The following PCSK2 variants were observed in gnomAD, a reference collection of about 807,000 sequenced individuals.
The protein encoded by PCSK2 is neuroendocrine convertase 2.
PCSK2 carries 14 observed loss-of-function variants against 69.7 expected under a neutral mutation model. The ratio of observed to expected loss-of-function variants is 0.20; its 90% confidence interval spans 0.13 to 0.31. The LOEUF is 0.31. PCSK2 is among the 10% of genes least tolerant of loss of function. The probability of loss-of-function intolerance (pLI) is 1.00; values close to 1 mark genes in which losing one functional copy is unlikely to be tolerated. For missense variants in PCSK2, 544 were observed against 842.5 expected, an observed-to-expected ratio of 0.65 and a Z score of 4.39; for synonymous variants, 307 against 320.7, an observed-to-expected ratio of 0.96 and a Z score of 0.46.
At chr20:17,400,380 T>A (rs1346386184) in intron 5 of PCSK2, among the ~76,000 whole-genome samples, 1 of 152,202 alleles carries the variant, frequency 6.6e-6, no homozygotes, top group Admixed American at 6.5e-5. Context: ...CTGCCCTTCA[T>A]CATCTGTGTG....
At chr20:17,373,649 C>CA (rs903167269) in intron 5 of PCSK2, among the ~76,000 whole-genome samples, 48 of 152,210 alleles carry the variant, frequency 3.2e-4, no homozygotes, top group African/African-American at 1.2e-3. Flanking sequence ...CAAGGCTCCT[C>CA]AAAAAAATTA....
At chr20:17,470,361 GA>G (rs1383108658) in intron 11 of PCSK2, among the ~76,000 whole-genome samples, 1 of 152,120 alleles carries the variant, frequency 6.6e-6, no homozygotes, top group Non-Finnish European at 1.5e-5. Flanking sequence ...TACCATCTTG[GA>G]CAGCCATGTC....
chr20:17,251,569 G>A (rs567092747), intron 1 of PCSK2, among the ~76,000 whole-genome samples: 8 of 152,278 alleles, frequency 5.3e-5, no homozygotes, highest in Admixed American at 2.6e-4. Flanking sequence ...GCTCCAAGAC[G>A]GTGTCATCAG....
chr20:17,390,824 A>G (rs2031352678), intron 5 of PCSK2, among the ~76,000 whole-genome samples: 1 of 151,928 alleles, frequency 6.6e-6, no homozygotes, highest in African/African-American at 2.4e-5. Flanking sequence ...CCTCTATACA[A>G]CCCACTCACT....
chr20:17,258,115 T>C (rs775288989), intron 1 of PCSK2, among the ~76,000 whole-genome samples: 2 of 152,220 alleles, frequency 1.3e-5, no homozygotes, highest in African/African-American at 2.4e-5. Context: ...ATGGAGCTTT[T>C]TAAATAACTC....
At chr20:17,268,926 G>T (rs1987746983) in intron 2 of PCSK2, among the ~76,000 whole-genome samples, 1 of 152,206 alleles carries the variant, frequency 6.6e-6, no homozygotes, top group Non-Finnish European at 1.5e-5. Flanking sequence ...ATTCGTTGAT[G>T]CATTTGCTGA....
chr20:17,309,422 T>C (rs747984835), intron 2 of PCSK2, among the ~76,000 whole-genome samples: 2 of 152,218 alleles, frequency 1.3e-5, no homozygotes, highest in Non-Finnish European at 2.9e-5. Context: ...AATAAAAATA[T>C]ATATGTCAAG....
At chr20:17,322,183 G>A (rs568655583) in intron 2 of PCSK2, among the ~76,000 whole-genome samples, 1 of 152,276 alleles carries the variant, frequency 6.6e-6, no homozygotes, top group Admixed American at 6.5e-5. Flanking sequence ...TGTCTTAATG[G>A]AGAATGGTTT....
At chr20:17,373,176 A>C (rs79911318) in intron 5 of PCSK2, among the ~76,000 whole-genome samples, 382 of 152,262 alleles carry the variant, frequency 2.5e-3, no homozygotes, top group Non-Finnish European at 4.4e-3. Context: ...GATTCTAGGA[A>C]GCAGGGGTAG....
At chr20:17,418,169 G>A (rs192921810) in intron 6 of PCSK2, among the ~76,000 whole-genome samples, 37 of 152,330 alleles carry the variant, frequency 2.4e-4, no homozygotes, top group Admixed American at 1.8e-3. Context: ...TGTTTTGCAT[G>A]TATTCATTCA....
intron 2 of PCSK2, among the ~76,000 whole-genome samples, chr20:17,294,133 C>G (rs1988796316): frequency 1.7e-5 from 2 of 118,634 alleles, no homozygotes; most frequent in Admixed American, 1.1e-4. Context: ...GAGACGGAGT[C>G]CCGCTGTTTA....
chr20:17,400,720 T>A (rs1215017352), intron 5 of PCSK2, among the ~76,000 whole-genome samples: 2 of 152,236 alleles, frequency 1.3e-5, no homozygotes, highest in South Asian at 4.1e-4. Flanking sequence ...TACTCTATAC[T>A]TACCATCAAG....
intron 1 of PCSK2, among the ~76,000 whole-genome samples, chr20:17,256,765 C>T (rs1987192031): frequency 6.6e-6 from 1 of 151,996 alleles, no homozygotes; most frequent in Admixed American, 6.6e-5. Flanking sequence ...TAATGTTATT[C>T]CTCCCCTAGC....
chr20:17,425,010 A>G (rs2123330213), intron 6 of PCSK2, among the ~76,000 whole-genome samples: 1 of 150,502 alleles, frequency 6.6e-6, no homozygotes, highest in African/African-American at 2.5e-5. Context: ...TCCTGATCTC[A>G]AGCAATACGC....
intron 2 of PCSK2, among the ~76,000 whole-genome samples, chr20:17,323,957 T>G (rs1461402931): frequency 6.6e-6 from 1 of 152,228 alleles, no homozygotes; most frequent in Admixed American, 6.5e-5. Context: ...TTGGAAGTTC[T>G]GAGTAGTGAA....
Position 17,319,081 on chromosome 20 carries a change from A to G in PCSK2, c.283-39246A>G, listed in dbSNP as rs550606115. ...GAATTAATCATTAGTGAGCCATTAA[A>G]TAATTAATTGTAAATTGTAACTAAT... On this transcript the variant is annotated intron_variant, in intron 2 of 11. Transcript: ENST00000262545. 2.6e-5 allele frequency among the ~76,000 whole-genome samples: 4 copies of G among 152,366 alleles called. No individual in the cohort carries two copies. In the East Asian group the frequency reaches 7.7e-4, roughly 29 times the overall value.
intron 7 of PCSK2, 152 bp downstream of exon 7, chr20:17,429,675 A>T (rs947067966): frequency 1.3e-5 from 7 of 536,826 alleles, no homozygotes; most frequent in Non-Finnish European, 2.3e-5. Flanking sequence ...TAACCTGCAT[A>T]ACAATATCAA....
chr20:17,362,018 C>A (rs2030413351), intron 4 of PCSK2, among the ~76,000 whole-genome samples: 1 of 152,174 alleles, frequency 6.6e-6, no homozygotes, highest in African/African-American at 2.4e-5. Context: ...CTGGGTATCC[C>A]CAGCCGGGGA....
At chr20:17,302,065 A>T (rs759955339) in intron 2 of PCSK2, among the ~76,000 whole-genome samples, 5 of 152,182 alleles carry the variant, frequency 3.3e-5, no homozygotes, top group Non-Finnish European at 5.9e-5. Context: ...AAGTAAAAAA[A>T]TCACACGTTT....
Sources: gnomAD v4.1 joint callset for allele counts (sites outside exome capture counted in the v4.1 genomes callset) on GRCh38, gnomAD v4.1.1 for gene constraint, MANE v1.5 for transcripts, NCBI Gene and HGNC (gene_info 2026-07-23, HGNC 2026-07-21) for gene names.